Variants in TPRG1 observed in about 807,000 individuals in gnomAD.
TPRG1 encodes the protein tumor protein p63-regulated gene 1 protein.
A neutral mutation model predicts 29.3 loss-of-function variants in TPRG1; 29 were observed. That is an observed-to-expected ratio of 0.99 (90% CI 0.74 to 1.35). The LOEUF is 1.35. Among genes scored for constraint, TPRG1 ranks in the 40% most tolerant of loss-of-function variants. The pLI, the probability that TPRG1 is intolerant of heterozygous loss-of-function variation, is 0.00. For missense variants in TPRG1, 327 were observed against 335.0 expected (o/e 0.98, Z 0.19); for synonymous variants, 130 against 116.8 (o/e 1.11, Z -0.73).
intron 4 of TPRG1, among the ~76,000 whole-genome samples, chr3:189,082,914 A>G (rs752718728): frequency 2.0e-4 from 30 of 152,192 alleles, no homozygotes; most frequent in Non-Finnish European, 3.7e-4. Flanking sequence ...TGTTTGTGCT[A>G]TGTCACATGC....
chr3:189,289,231 G>T (rs1161014411), intron 4 of TPRG1, among the ~76,000 whole-genome samples: 1 of 152,080 alleles, frequency 6.6e-6, no homozygotes, highest in Non-Finnish European at 1.5e-5. Context: ...TTATTTATGA[G>T]GATGGCCTCA....
chr3:189,225,941 C>T (rs1737658370), intron 3 of TPRG1, among the ~76,000 whole-genome samples: 2 of 151,610 alleles, frequency 1.3e-5, no homozygotes, highest in African/African-American at 4.8e-5. Context: ...AGAGACAATC[C>T]ACCAAGAAGA....
chr3:189,311,881 A>G (rs1722547634), intron 5 of TPRG1, among the ~76,000 whole-genome samples: 1 of 152,164 alleles, frequency 6.6e-6, no homozygotes, highest in Non-Finnish European at 1.5e-5. Context: ...ATTTGAAGGC[A>G]AGAATATGAG....
chr3:189,082,234 C>T (rs1442103573), intron 4 of TPRG1, among the ~76,000 whole-genome samples: 1 of 152,182 alleles, frequency 6.6e-6, no homozygotes, highest in Non-Finnish European at 1.5e-5. Flanking sequence ...ATGAGAAAAC[C>T]TGGGTCCTTG....
chr3:189,296,819 A>T (rs1229401480), intron 4 of TPRG1, among the ~76,000 whole-genome samples: 2 of 152,156 alleles, frequency 1.3e-5, no homozygotes, highest in African/African-American at 4.8e-5. Flanking sequence ...CACTGTAAAC[A>T]TTTGAATAAT....
intron 4 of TPRG1, among the ~76,000 whole-genome samples, chr3:189,056,356 A>G (rs1471153261): frequency 6.6e-6 from 1 of 152,058 alleles, no homozygotes; most frequent in African/African-American, 2.4e-5. Flanking sequence ...TCTGCCTCCC[A>G]AAGTGTTGAG....
intron 4 of TPRG1, among the ~76,000 whole-genome samples, chr3:189,307,379 C>T (rs979392653): frequency 2.6e-5 from 4 of 152,202 alleles, no homozygotes; most frequent in African/African-American, 9.6e-5. Context: ...GTCTCCTTCA[C>T]ATCCAGTGCT....
At chr3:189,097,857 G>A (rs1210878975), upstream of TPRG1, among the ~76,000 whole-genome samples, 2 of 152,162 alleles carry the variant, frequency 1.3e-5, no homozygotes, top group Admixed American at 1.3e-4. Context: ...AACCGCTAGG[G>A]ATTGTTGAAC....
At position 189,263,871 on chromosome 3, in the gene TPRG1, T is replaced by C. The variant is rs184046057; in HGVS notation, c.479+24962T>C. 3.1e-3 allele frequency among the ~76,000 whole-genome samples: 478 copies of C among 152,290 alleles called. 9 individuals carry two copies. The highest frequency in any genetic ancestry group is 9.3e-4 in the Non-Finnish European group (63 of 68,026). ...AGGTTGCATGACTTCTTGAGAAGTA[T>C]TTCAGTTTAAGAAATGGAGGCAGCA... On this transcript the variant is annotated intron_variant, in intron 4 of 5. Transcript: ENST00000345063.
At chr3:189,207,666 C>T in intron 2 of TPRG1, 72 bp downstream of exon 2, 1 of 1,400,670 alleles carries the variant, frequency 7.1e-7, no homozygotes, top group Non-Finnish European at 1.0e-6. Flanking sequence ...TTCTGTGTAT[C>T]ACATATTTAC....
chr3:189,311,404 C>T (rs1167318579), intron 5 of TPRG1, among the ~76,000 whole-genome samples: 1 of 152,106 alleles, frequency 6.6e-6, no homozygotes, highest in Admixed American at 6.5e-5. Context: ...TATGTAAAGA[C>T]TTTCTGTGGT....
At chr3:189,184,982 G>A (rs1216144292) in intron 1 of TPRG1, among the ~76,000 whole-genome samples, 1 of 152,198 alleles carries the variant, frequency 6.6e-6, no homozygotes, top group Admixed American at 6.5e-5. Context: ...GTGGAAGTCT[G>A]TCTGTCCCAG....
intron 4 of TPRG1, among the ~76,000 whole-genome samples, chr3:189,085,447 ATGTGTG>A (rs55935182): frequency 4.9e-5 from 6 of 121,916 alleles, no homozygotes; most frequent in Non-Finnish European, 9.7e-5. Context: ...GTGTGTGTGC[ATGTGTG>A]TGTGTGTGTG....
chr3:189,277,908 C>A (rs1212024025), intron 4 of TPRG1, among the ~76,000 whole-genome samples: 1 of 152,210 alleles, frequency 6.6e-6, no homozygotes, highest in Non-Finnish European at 1.5e-5. Flanking sequence ...TAAGATATAG[C>A]TGTTACAAAC....
chr3:189,199,117 G>A (rs757088110), intron 1 of TPRG1, among the ~76,000 whole-genome samples: 7 of 152,094 alleles, frequency 4.6e-5, no homozygotes, highest in Admixed American at 1.3e-4. Flanking sequence ...AAGCAGCTCT[G>A]GTCTATATGG....
chr3:189,093,395 C>G (rs940224192), intron 4 of TPRG1, among the ~76,000 whole-genome samples: 7 of 152,156 alleles, frequency 4.6e-5, no homozygotes, highest in Non-Finnish European at 8.8e-5. Flanking sequence ...ACAGATTTGA[C>G]CCAGGAGAAC....
rs937520017 is a variant in TPRG1 at position 189,082,015 on chromosome 3, C to T, written c.-462-45042C>T. Among the ~76,000 whole-genome samples the T allele has an allele frequency of 5.3e-5, 8 of 152,170 alleles. 1 individual carries two copies. Among genetic ancestry groups the T allele is most frequent in the Admixed American group, 1.3e-4 (2 of 15,276 alleles). ...TGGGGGTTATTTGATAATAAGCCAT[C>T]TACCTGGCTTCAGCTTAGTGGACAA... On this transcript the variant is annotated intron_variant, in intron 4 of 10. Transcript: ENST00000433971.
intron 4 of TPRG1, among the ~76,000 whole-genome samples, chr3:189,091,102 T>C (rs1187172358): frequency 6.6e-6 from 1 of 152,130 alleles, no homozygotes; most frequent in Non-Finnish European, 1.5e-5. Flanking sequence ...ATTAAGGAAA[T>C]GATTACATGT....
At chr3:189,104,946 T>A (rs867874548) in intron 1 of TPRG1, among the ~76,000 whole-genome samples, 3 of 152,220 alleles carry the variant, frequency 2.0e-5, no homozygotes, top group Admixed American at 6.5e-5. Flanking sequence ...CAAGACCTGA[T>A]ACAGAACACT....
Sources: gnomAD v4.1 joint callset for allele counts (sites outside exome capture counted in the v4.1 genomes callset) on GRCh38, gnomAD v4.1.1 for gene constraint, MANE v1.5 for transcripts, NCBI Gene and HGNC (gene_info 2026-07-23, HGNC 2026-07-21) for gene names.